Variants in LRP8 observed in about 807,000 individuals in gnomAD.
LRP8 encodes low-density lipoprotein receptor-related protein 8.
Under a neutral mutation model 111.6 loss-of-function variants are expected in LRP8, and 46 were observed. That is an observed-to-expected ratio of 0.41 (90% confidence interval 0.33 to 0.53). LRP8 has a LOEUF of 0.53. Among genes scored for constraint, LRP8 ranks in the 20% least tolerant of loss-of-function variants. LRP8 has a pLI of 0.20. For missense variants in LRP8, 959 were observed against 1,297.4 expected (o/e 0.74, Z 4.01); for synonymous variants, 464 against 511.2 (o/e 0.91, Z 1.24).
In LRP8 at chr1:53,245,899, T is replaced by C. The variant is rs1645715076; in HGVS notation, c.*1119A>G. The C allele has an allele frequency of 6.6e-6, 1 of 152,668 alleles. No individual in the cohort carries two copies. The highest frequency in any genetic ancestry group is 2.1e-4 in the South Asian group (1 of 4,832). The allele number at this position is 152,668 out of a possible 1,614,324, so 9.5% of individuals were successfully genotyped here. A position where few individuals can be genotyped will look rare whatever the true frequency, so the allele number is the denominator to read the frequency against. On this transcript the variant is annotated 3_prime_UTR_variant, in exon 19 of 19. Transcript: ENST00000306052. ...TCTCTATAGTAAACTTGGGCTGATC[T>C]GGAAACGTCTCCACTTAGCTCTGTA...
At position 53,274,176 on chromosome 1, in the gene LRP8, G is replaced by A. The variant is rs115827392; in HGVS notation, c.1006+1455C>T. On this transcript the variant is annotated intron_variant, in intron 6 of 18. Coordinates refer to ENST00000306052, the MANE Select transcript of LRP8 (RefSeq NM_004631.5). ...CCTCCAAGTCTGGTCTCCCCATCAG[G>A]TCCGAACTCCTCAGGGCTTAGGATG... 2.9e-3 allele frequency among the ~76,000 whole-genome samples: 441 copies of A among 152,294 alleles called. 1 individual carries two copies. Among genetic ancestry groups the A allele is most frequent in the Non-Finnish European group, 4.6e-3 (310 of 68,016 alleles).
In LRP8 at chr1:53,262,585, A is replaced by C; in HGVS notation, c.1656-21T>G. On this transcript the variant is annotated intron_variant, in intron 10 of 18. Transcript: ENST00000306052. The surrounding 1 kb of genome is among the most constrained non-coding windows in gnomAD (Gnocchi z 4.8). ...TGAACCTAAAAGACAAAATAACCCA[A>C]TTTGCCTTCTTGCTGGGGACATGAC... is the stretch of plus-strand genomic sequence containing the variant. 6.3e-7 allele frequency: 1 copy of C among 1,592,452 alleles called. No homozygotes were observed. The highest frequency in any genetic ancestry group is 8.6e-7 in the Non-Finnish European group (1 of 1,160,380).
chr1:53,249,691 A>C lies in LRP8; in HGVS notation c.2677-135T>G. 1 of 1,281,834 alleles carries C rather than the reference A, an allele frequency of 7.8e-7. No homozygotes were observed. Among genetic ancestry groups the C allele is most frequent in the Non-Finnish European group, 1.0e-6 (1 of 972,130 alleles). 79.4% of individuals were successfully genotyped at this position (1,281,834 alleles called of 1,614,324 possible). A position where few individuals can be genotyped will look rare whatever the true frequency, so the allele number is the denominator to read the frequency against. ...AAAAGCCATGCTGTGTTGTACCTTC[A>C]AGCCTTTGCACATGCCTCTATCTGG... On this transcript the variant is annotated intron_variant, in intron 17 of 18. Transcript: ENST00000306052. This position sits in a 1 kb window ranked among gnomAD's most constrained non-coding sequence, Gnocchi z 4.1.
rs530721501 is a variant in LRP8, at chr1:53,270,109, G to A, written c.1252+919C>T. On this transcript the variant is annotated intron_variant, in intron 8 of 18. Coordinates refer to ENST00000306052, the MANE Select transcript of LRP8 (RefSeq NM_004631.5). ...GGTGTTAGTGTGCAGTGCGTTGTGTGTGTGATGTGTATGTACACTTTTGAG... is the reference window on the plus strand; with the variant it reads ...GGTGTTAGTGTGCAGTGCGTTGTGTATGTGATGTGTATGTACACTTTTGAG... 2.0e-5 allele frequency among the ~76,000 whole-genome samples: 3 copies of A among 152,292 alleles called. No homozygotes were observed. The East Asian group carries it at 5.8e-4, about 29-fold the overall frequency.
At chr1:53,271,623 A>C (rs904823059) in intron 6 of LRP8, among the ~76,000 whole-genome samples, 3 of 152,072 alleles carry the variant, frequency 2.0e-5, no homozygotes, top group Non-Finnish European at 4.4e-5. Flanking sequence ...GGCTCTGTCC[A>C]CCACCAAGCT....
chr1:53,281,210 G>T (rs144827220), intron 3 of LRP8, among the ~76,000 whole-genome samples: 1 of 152,304 alleles, frequency 6.6e-6, no homozygotes, highest in Admixed American at 6.5e-5. Flanking sequence ...CAATCGGCCC[G>T]CCTCTAAGCC....
At position 53,258,439 on chromosome 1, in the gene LRP8, T is replaced by C; in HGVS notation, c.2089A>G (p.Asn697Asp). The stretch of plus-strand genomic sequence containing the variant: ...AGGCACAGGTATTCACAGCCTCCAT[T>C]AGGCTGGACACTCAGCTCACAGGCA... Reference protein sequence around the residue: ...PDACELSVQPNGGCEYLCLPA... With the variant: ...PDACELSVQPDGGCEYLCLPA... Residue 697 changes from asparagine to aspartate, a missense_variant, in exon 14 of 19, where the codon AAT (asparagine) becomes GAT (aspartate). Transcript: ENST00000306052. 1 of 1,613,992 alleles carries C rather than the reference T, an allele frequency of 6.2e-7. No homozygotes were observed. The highest frequency in any genetic ancestry group is 8.5e-7 in the Non-Finnish European group (1 of 1,179,962).
intron 2 of LRP8, among the ~76,000 whole-genome samples, chr1:53,321,091 A>G (rs1224309973): frequency 6.6e-6 from 1 of 152,266 alleles, no homozygotes; most frequent in Non-Finnish European, 1.5e-5. Context: ...TAGGCAGCCA[A>G]TAGCTGTTAT....
In LRP8 at chr1:53,279,462, C is replaced by T. The variant is rs1647036552; in HGVS notation, c.496+1125G>A. 6.6e-6 allele frequency among the ~76,000 whole-genome samples: 1 copy of T among 152,172 alleles called. No homozygotes were observed. The highest frequency in any genetic ancestry group is 1.5e-5 in the Non-Finnish European group (1 of 68,030). On this transcript the variant is annotated intron_variant, in intron 4 of 18. Coordinates refer to ENST00000306052, the MANE Select transcript of LRP8 (RefSeq NM_004631.5). This position sits in a 1 kb window ranked among gnomAD's most constrained non-coding sequence, Gnocchi z 4.4. The stretch of plus-strand genomic sequence containing the variant: ...AGGATTCTCATTGGCCAGTGAGTCC[C>T]AGCAAAATTATCACAGCTGAGGAAG...
rs1161579980 is a variant in LRP8 at position 53,257,481 on chromosome 1, A to G, written c.2210-17T>C. The stretch of plus-strand genomic sequence containing the variant: ...ATTGAGGTGCTGGAGGGGAAATACC[A>G]TGGAGGTCACTTGGACAGATAATTT... On this transcript the variant is annotated splice_polypyrimidine_tract_variant and intron_variant, in intron 14 of 18. Transcript: ENST00000306052. 7 of 1,600,812 alleles carry G rather than the reference A, an allele frequency of 4.4e-6. No homozygotes were observed. Among genetic ancestry groups the G allele is most frequent in the Non-Finnish European group, 4.3e-6 (5 of 1,168,400 alleles).
At chr1:53,276,663 C>A in intron 5 of LRP8, 29 bp downstream of exon 5, 1 of 1,487,108 alleles carries the variant, frequency 6.7e-7, no homozygotes, top group Admixed American at 2.1e-5. Flanking sequence ...AATCCCTGGG[C>A]GGGGCTGGGC....
chr1:53,302,279 T>C (rs12037959), intron 2 of LRP8, among the ~76,000 whole-genome samples: 34,647 of 151,970 alleles, frequency 0.23, 4,499 homozygotes, highest in East Asian at 0.59. Flanking sequence ...GGAAATGGGG[T>C]CCATTCTCTG....
chr1:53,302,298 T>C (rs181671525), intron 2 of LRP8, among the ~76,000 whole-genome samples: 1 of 152,294 alleles, frequency 6.6e-6, no homozygotes, highest in East Asian at 1.9e-4. Flanking sequence ...TGAAGCTCTT[T>C]AACCGCCCCA....
At chr1:53,258,729 A>G (rs1043094093) in intron 13 of LRP8, among the ~76,000 whole-genome samples, 4 of 149,500 alleles carry the variant, frequency 2.7e-5, no homozygotes, top group African/African-American at 9.9e-5. Context: ...TGTACATTGT[A>G]CCTAATGTGT....
intron 10 of LRP8, among the ~76,000 whole-genome samples, chr1:53,263,262 T>C (rs1646413060): frequency 6.6e-6 from 1 of 152,198 alleles, no homozygotes. Context: ...AGTGCCTAGT[T>C]CTGTGCTGGA....
rs145660616 is a variant in LRP8 at position 53,317,717 on chromosome 1, G to A, written c.244+9156C>T. ...TACTTTCCTCAGCCCGCACACCTCC[G>A]GAATATGGGCTCATTTTCCCGCTTT... On this transcript the variant is annotated intron_variant, in intron 2 of 18. Coordinates refer to ENST00000306052, the MANE Select transcript of LRP8 (RefSeq NM_004631.5). The surrounding 1 kb of genome is among the most constrained non-coding windows in gnomAD (Gnocchi z 4.9). Among the ~76,000 whole-genome samples the A allele has an allele frequency of 5.9e-5, 9 of 152,324 alleles. No homozygotes were observed. The highest frequency in any genetic ancestry group is 1.3e-4 in the Admixed American group (2 of 15,302).
intron 2 of LRP8, among the ~76,000 whole-genome samples, chr1:53,324,757 T>A (rs1471065561): frequency 6.6e-6 from 1 of 152,184 alleles, no homozygotes; most frequent in African/African-American, 2.4e-5. Context: ...AAGCCTCACA[T>A]GGAGCTGAAA....
chr1:53,252,637 AC>A lies in LRP8; in HGVS notation c.2504-1776del, dbSNP rs1368902452. 2.6e-5 allele frequency among the ~76,000 whole-genome samples: 4 copies of A among 152,314 alleles called. No homozygotes were observed. The East Asian group carries it at 7.7e-4, about 29-fold the overall frequency. ...TACCTAGGAAAACCTAAGAAGAAAT[AC>A]GCAAGTCCTGTGTAATCTATAAAAT... is the stretch of plus-strand genomic sequence containing the variant. On this transcript the variant is annotated intron_variant, in intron 16 of 18. Coordinates refer to ENST00000306052, the MANE Select transcript of LRP8 (RefSeq NM_004631.5).
Position 53,326,872 on chromosome 1 carries a change from C to G in LRP8, c.244+1G>C, listed in dbSNP as rs1655199634. The G allele has an allele frequency of 6.2e-7, 1 of 1,612,428 alleles. No homozygotes were observed. The highest frequency in any genetic ancestry group is 8.5e-7 in the Non-Finnish European group (1 of 1,179,482). The stretch of plus-strand genomic sequence containing the variant: ...TCTGAGCTCCCTGGCCCGCCACTCA[C>G]GGCAGTCGTCCTCGTCGCTGTGGTC... On this transcript the variant is annotated splice_donor_variant, in intron 2 of 18. Transcript: ENST00000306052. LOFTEE classifies it high-confidence loss of function.
Sources: gnomAD v4.1 joint callset for allele counts (sites outside exome capture counted in the v4.1 genomes callset) on GRCh38, gnomAD v4.1.1 for gene constraint, Gnocchi (gnomAD v3.1) non-coding constraint, MANE v1.5 for transcripts, NCBI Gene and HGNC (gene_info 2026-07-23, HGNC 2026-07-21) for gene names.